Variants in CCDC66 observed in about 807,000 individuals in gnomAD.
CCDC66 encodes the protein coiled-coil domain containing 66.
In CCDC66, 133 loss-of-function variants were observed where a neutral mutation model predicts 128.3. The ratio of observed to expected loss-of-function variants is 1.04; its 90% CI spans 0.90 to 1.20. CCDC66 has a LOEUF of 1.20. Among genes scored for constraint, CCDC66 ranks in the 50% most tolerant of loss-of-function variants. The probability of loss-of-function intolerance (pLI) is 0.00; values close to 1 mark genes in which losing one functional copy is unlikely to be tolerated. For synonymous variants in CCDC66, 387 were observed against 357.0 expected, an observed-to-expected ratio of 1.08 and a Z score of -0.95; for missense variants, 1,126 against 1,075.5, an observed-to-expected ratio of 1.05 and a Z score of -0.66.
chr3:56,578,528 C>T (rs1325200052), intron 7 of CCDC66, among the ~76,000 whole-genome samples: 5 of 151,648 alleles, frequency 3.3e-5, no homozygotes, highest in Admixed American at 6.6e-5. Flanking sequence ...CCATTCAGTA[C>T]GATATTGGCT....
At chr3:56,572,117 G>A (rs2066716330) in intron 7 of CCDC66, among the ~76,000 whole-genome samples, 1 of 152,180 alleles carries the variant, frequency 6.6e-6, no homozygotes, top group Admixed American at 6.5e-5. Context: ...GTCGTTAGGT[G>A]AATGTAGAGG....
intron 10 of CCDC66, among the ~76,000 whole-genome samples, chr3:56,602,903 C>T (rs1446240610): frequency 5.4e-5 from 8 of 147,090 alleles, no homozygotes; most frequent in East Asian, 4.0e-4. Context: ...GGCATGATCT[C>T]GGCTCACTGC....
At chr3:56,587,977 A>G (rs1159097378) in intron 7 of CCDC66, among the ~76,000 whole-genome samples, 2 of 152,268 alleles carry the variant, frequency 1.3e-5, no homozygotes, top group Non-Finnish European at 2.9e-5. Context: ...ATTATACGGA[A>G]AAGATACTTG....
chr3:56,614,000 A>C (rs964950169), intron 11 of CCDC66, among the ~76,000 whole-genome samples: 5 of 152,088 alleles, frequency 3.3e-5, no homozygotes, highest in African/African-American at 1.2e-4. Context: ...CGATCCTCCC[A>C]CCTCAGCCTC....
At chr3:56,589,892 T>C (rs190046200) in intron 7 of CCDC66, among the ~76,000 whole-genome samples, 1 of 152,292 alleles carries the variant, frequency 6.6e-6, no homozygotes, top group Admixed American at 6.5e-5. Context: ...AATAAATACA[T>C]GAGAAACGGA....
At position 56,615,340 on chromosome 3, in the gene CCDC66, CTTTG is replaced by C. The variant is rs561027079; in HGVS notation, c.1711+73_1711+76del. The C allele has an allele frequency of 2.0e-4, 295 of 1,469,486 alleles. 4 individuals carry two copies. The South Asian group carries it at 2.1e-3, about 11-fold the overall frequency. The allele number at this position is 1,469,486 out of a possible 1,614,324, so 91.0% of individuals were successfully genotyped here. The stretch of plus-strand genomic sequence containing the variant: ...ATGATTTTAAATAATTCCTTTTTAT[CTTTG>C]TTTGGAGACAAGGACTCATTCTGTT... On this transcript the variant is annotated intron_variant, in intron 12 of 17. Coordinates refer to ENST00000394672, the MANE Select transcript of CCDC66 (RefSeq NM_001141947.3).
At chr3:56,616,999 A>T in intron 13 of CCDC66, 113 bp from the exon 14 acceptor site, 1 of 864,486 alleles carries the variant, frequency 1.2e-6, no homozygotes, top group Non-Finnish European at 1.7e-6. Context: ...GTTGAAAATT[A>T]ATGAAAGAAA....
chr3:56,619,530 A>C lies in CCDC66; in HGVS notation c.2635+3A>C, dbSNP rs377718296. 1.6e-5 allele frequency: 25 copies of C among 1,601,124 alleles called. No homozygotes were observed. In the African/African-American group the frequency reaches 3.4e-4, roughly 22 times the overall value. Reference sequence around the variant, plus strand: ...CCCTCAGTACCAAAATTCACAAGGTAAGTAAATATTAAGCATTCTAACTGT... The same window carrying C: ...CCCTCAGTACCAAAATTCACAAGGTCAGTAAATATTAAGCATTCTAACTGT... On this transcript the variant is annotated splice_donor_region_variant and intron_variant, in intron 16 of 17. Transcript: ENST00000394672.
At chr3:56,593,436 T>TTATA (rs1311555272) in intron 8 of CCDC66, 55 bp from the exon 9 acceptor site, 7 of 1,574,834 alleles carry the variant, frequency 4.4e-6, no homozygotes, top group Non-Finnish European at 8.7e-7. Context: ...TCATTTAGAA[T>TTATA]TATATATGAG....
chr3:56,621,376 A>C, intron 17 of CCDC66, 156 bp from the exon 18 acceptor site: 1 of 467,394 alleles, frequency 2.1e-6, no homozygotes, highest in East Asian at 3.2e-5. Context: ...TATCCAAATG[A>C]GGTGGTCTAG....
intron 4 of CCDC66, chr3:56,565,318 G>A (rs2065660753): frequency 1.1e-5 from 2 of 180,336 alleles, no homozygotes; most frequent in Non-Finnish European, 2.3e-5. Flanking sequence ...TTGTCACCCA[G>A]GCTGGAGTGC....
chr3:56,557,185 G>C lies in CCDC66; in HGVS notation c.-58G>C, dbSNP rs1326609342. 45 of 1,550,774 alleles carry C rather than the reference G, an allele frequency of 2.9e-5. No individual in the cohort carries two copies. The highest frequency in any genetic ancestry group is 3.9e-5 in the Non-Finnish European group (45 of 1,146,710). On this transcript the variant is annotated 5_prime_UTR_variant, in exon 1 of 18. Transcript: ENST00000394672. Reference sequence around the variant, plus strand: ...GGCGTAGCGCTTGCTGAGCGGCGGCGGCAACCGACGTACACAAGGGGCTTG... The same window carrying C: ...GGCGTAGCGCTTGCTGAGCGGCGGCCGCAACCGACGTACACAAGGGGCTTG...
In CCDC66 at chr3:56,557,407, A is replaced by G. The variant is rs2064459552; in HGVS notation, c.11+154A>G. On this transcript the variant is annotated intron_variant, in intron 1 of 17. Coordinates refer to ENST00000394672, the MANE Select transcript of CCDC66 (RefSeq NM_001141947.3). ...GGGCAGAGCCCAGTTCTCGGGTAGA[A>G]GATCGAGGCAGATGGGTCGGCCCTT... Among the ~76,000 whole-genome samples the G allele has an allele frequency of 2.0e-5, 3 of 152,002 alleles. No individual in the cohort carries two copies. In the South Asian group the frequency reaches 6.2e-4, roughly 32 times the overall value.
intron 7 of CCDC66, among the ~76,000 whole-genome samples, chr3:56,571,660 G>C (rs2066633769): frequency 6.6e-6 from 1 of 152,122 alleles, no homozygotes; most frequent in Non-Finnish European, 1.5e-5. Flanking sequence ...TTACAGGCAT[G>C]AGCCACCGTG....
intron 6 of CCDC66, 151 bp from the exon 7 acceptor site, chr3:56,571,030 A>C (rs1484752826): frequency 3.9e-6 from 2 of 515,780 alleles, no homozygotes; most frequent in African/African-American, 2.0e-5. Flanking sequence ...GTCCCTAAAA[A>C]ATTATTCTCC....
intron 7 of CCDC66, among the ~76,000 whole-genome samples, chr3:56,586,328 A>C (rs1324800539): frequency 5.3e-5 from 8 of 151,542 alleles, no homozygotes; most frequent in Non-Finnish European, 7.4e-5. Flanking sequence ...GGAAATCGAG[A>C]CCATCCTGGC....
chr3:56,571,715 A>G (rs1474616233), intron 7 of CCDC66, among the ~76,000 whole-genome samples: 1 of 151,922 alleles, frequency 6.6e-6, no homozygotes, highest in African/African-American at 2.4e-5. Context: ...GGTTTTTTGT[A>G]TGTGTGTTTT....
intron 7 of CCDC66, among the ~76,000 whole-genome samples, 162 bp from the exon 8 acceptor site, chr3:56,592,808 T>C (rs1434803754): frequency 2.6e-5 from 4 of 152,188 alleles, no homozygotes; most frequent in African/African-American, 9.7e-5. Context: ...AGAATATATC[T>C]ACTTAATTCT....
chr3:56,615,396 T>C (rs1345991506), intron 12 of CCDC66, 124 bp downstream of exon 12: 3 of 871,540 alleles, frequency 3.4e-6, no homozygotes, highest in African/African-American at 3.5e-5. Context: ...AGTGGTGCCA[T>C]CACAGCTCAC....
Sources: allele counts gnomAD v4.1 joint callset (sites outside exome capture counted in the v4.1 genomes callset), GRCh38; gene constraint gnomAD v4.1.1; transcripts MANE v1.5; gene names NCBI Gene and HGNC (gene_info 2026-07-23, HGNC 2026-07-21).